LRRTM4: variants seen among roughly 807,000 people sequenced by gnomAD.
LRRTM4 encodes leucine-rich repeat transmembrane neuronal protein 4.
LRRTM4 carries 25 observed loss-of-function variants against 47.6 expected under a neutral mutation model. The ratio of observed to expected loss-of-function variants is 0.53; its 90% CI spans 0.38 to 0.73. The LOEUF is 0.73. Ranked by LOEUF, LRRTM4 falls within the 30% of genes least tolerant of loss-of-function variation. The probability of loss-of-function intolerance (pLI) is 0.00; values close to 1 mark genes in which losing one functional copy is unlikely to be tolerated. For missense variants in LRRTM4, 638 were observed against 713.4 expected (o/e 0.89, Z 1.20); for synonymous variants, 311 against 269.5 (o/e 1.15, Z -1.51).
At chr2:77,379,058 A>G (rs1313991057) in intron 3 of LRRTM4, among the ~76,000 whole-genome samples, 2 of 152,038 alleles carry the variant, frequency 1.3e-5, no homozygotes, top group Non-Finnish European at 2.9e-5. Context: ...TTTAATCTTT[A>G]TATATTTCAG....
chr2:77,322,828 T>A (rs2104230675), intron 3 of LRRTM4, among the ~76,000 whole-genome samples: 1 of 142,942 alleles, frequency 7.0e-6, no homozygotes, highest in East Asian at 2.0e-4. Flanking sequence ...CTACATAAAC[T>A]CTCTCTCTCT....
At chr2:77,061,697 C>T (rs1679790909) in intron 3 of LRRTM4, among the ~76,000 whole-genome samples, 1 of 152,086 alleles carries the variant, frequency 6.6e-6, no homozygotes, top group African/African-American at 2.4e-5. Flanking sequence ...AATAGTTTTC[C>T]ATTATCCTCC....
At chr2:76,844,578 G>A (rs1172368939) in intron 3 of LRRTM4, among the ~76,000 whole-genome samples, 4 of 152,114 alleles carry the variant, frequency 2.6e-5, no homozygotes, top group African/African-American at 9.7e-5. Flanking sequence ...CTATAATGTA[G>A]TTTTTTACTG....
At chr2:76,906,108 T>A (rs915923703) in intron 3 of LRRTM4, among the ~76,000 whole-genome samples, 1 of 152,148 alleles carries the variant, frequency 6.6e-6, no homozygotes, top group African/African-American at 2.4e-5. Flanking sequence ...AAGGTCGGGT[T>A]ACCCACAAAG....
At chr2:76,953,690 A>G (rs1368120521) in intron 3 of LRRTM4, among the ~76,000 whole-genome samples, 1 of 151,876 alleles carries the variant, frequency 6.6e-6, no homozygotes, top group Non-Finnish European at 1.5e-5. Context: ...AGAAACCAGC[A>G]CAATTCACCA....
chr2:77,406,395 T>C (rs1350604915), intron 3 of LRRTM4, among the ~76,000 whole-genome samples: 1 of 152,026 alleles, frequency 6.6e-6, no homozygotes, highest in Non-Finnish European at 1.5e-5. Context: ...GATCATGGCT[T>C]ACTGCAGCCT....
intron 3 of LRRTM4, among the ~76,000 whole-genome samples, chr2:76,802,727 A>T (rs569065288): frequency 4.5e-4 from 68 of 152,302 alleles, no homozygotes; most frequent in South Asian, 1.7e-3. Context: ...ACAAAGCTAT[A>T]CTAATCAAAA....
rs767365994 is a variant in LRRTM4 at position 76,759,968 on chromosome 2, T to C, written c.1552-11052A>G. ...GATGCTCATGTTTCTCCTTTGCTAA[T>C]AGTTTACCCCAAAGTAAGCTTCACG... On this transcript the variant is annotated intron_variant, in intron 3 of 3. Transcript: ENST00000409884. Among the ~76,000 whole-genome samples, 127 of 152,172 alleles carry C rather than the reference T, an allele frequency of 8.3e-4. 1 individual carries two copies. The highest frequency in any genetic ancestry group is 1.4e-3 in the Non-Finnish European group (98 of 68,018).
Position 76,972,818 on chromosome 2 carries a change from G to A in LRRTM4, c.1552-223902C>T, listed in dbSNP as rs77158120. On this transcript the variant is annotated intron_variant, in intron 3 of 3. Transcript: ENST00000409884. ...CTAAACTCATGGCATTTGAAATCCCGGATGGCATGTTTTGTGTCTGATTTA... is the reference window on the plus strand; with the variant it reads ...CTAAACTCATGGCATTTGAAATCCCAGATGGCATGTTTTGTGTCTGATTTA... Among the ~76,000 whole-genome samples, 1,042 of 151,976 alleles carry A rather than the reference G, an allele frequency of 6.9e-3. 27 individuals are homozygous for A. Among genetic ancestry groups the A allele is most frequent in the South Asian group, 0.067 (322 of 4,810 alleles).
intron 3 of LRRTM4, among the ~76,000 whole-genome samples, chr2:77,242,355 G>A (rs1435047623): frequency 1.3e-5 from 2 of 151,852 alleles, no homozygotes; most frequent in Non-Finnish European, 2.9e-5. Flanking sequence ...GTGCATCAAG[G>A]GACACAATCA....
At chr2:77,454,154 T>C (rs911276344) in intron 3 of LRRTM4, among the ~76,000 whole-genome samples, 1 of 152,240 alleles carries the variant, frequency 6.6e-6, no homozygotes, top group African/African-American at 2.4e-5. Context: ...TATTCTATAA[T>C]GTCTATTAAA....
chr2:77,418,671 CT>C (rs1158803749), intron 3 of LRRTM4, among the ~76,000 whole-genome samples: 2 of 152,180 alleles, frequency 1.3e-5, no homozygotes, highest in Non-Finnish European at 2.9e-5. Flanking sequence ...ACACGACTCC[CT>C]TGCTGTTACC....
At chr2:77,511,531 TAAGCACATTTGCTAACTTATTTTAAGC>T (rs1678992260) in intron 3 of LRRTM4, among the ~76,000 whole-genome samples, 1 of 151,994 alleles carries the variant, frequency 6.6e-6, no homozygotes, top group African/African-American at 2.4e-5. Context: ...TTATTTATTT[TAAGCACATTTGCTAACTTATTTTAAGC>T]AAGTTTGCTA....
intron 3 of LRRTM4, among the ~76,000 whole-genome samples, chr2:77,414,236 G>T (rs1674553423): frequency 1.3e-5 from 2 of 151,372 alleles, no homozygotes; most frequent in South Asian, 4.2e-4. Context: ...GATATTGAAG[G>T]CTTCCTAAGT....
intron 3 of LRRTM4, among the ~76,000 whole-genome samples, chr2:76,749,749 A>T (rs563123684): frequency 6.6e-6 from 1 of 152,358 alleles, no homozygotes; most frequent in South Asian, 2.1e-4. Context: ...TAATTAAGCC[A>T]TAAATTTCTG....
chr2:77,274,384 A>C (rs910111189), intron 3 of LRRTM4, among the ~76,000 whole-genome samples: 13 of 152,202 alleles, frequency 8.5e-5, no homozygotes, highest in African/African-American at 2.7e-4. Flanking sequence ...CCACAGATAC[A>C]ATAAAGGTCA....
At chr2:77,509,002 C>A (rs1460440852) in intron 3 of LRRTM4, among the ~76,000 whole-genome samples, 1 of 151,908 alleles carries the variant, frequency 6.6e-6, no homozygotes, top group Non-Finnish European at 1.5e-5. Flanking sequence ...GAGGCCAGGG[C>A]GGGCAGATCA....
At chr2:77,283,740 A>T (rs970616088) in intron 3 of LRRTM4, among the ~76,000 whole-genome samples, 3 of 152,072 alleles carry the variant, frequency 2.0e-5, no homozygotes, top group African/African-American at 7.2e-5. Flanking sequence ...AAAATACCGC[A>T]TGTTCTCAAT....
intron 3 of LRRTM4, among the ~76,000 whole-genome samples, chr2:77,031,431 G>A (rs979525457): frequency 1.3e-5 from 2 of 152,090 alleles, no homozygotes; most frequent in African/African-American, 4.8e-5. Context: ...TTTCTAAGTA[G>A]ATCATGATTA....
Sources: gnomAD v4.1 joint callset for allele counts (sites outside exome capture counted in the v4.1 genomes callset) on GRCh38, gnomAD v4.1.1 for gene constraint, MANE v1.5 for transcripts, NCBI Gene and HGNC (gene_info 2026-07-23, HGNC 2026-07-21) for gene names.